The following VAV1 variants were observed in gnomAD, a reference collection of about 807,000 sequenced individuals.
The protein encoded by VAV1 is proto-oncogene vav.
VAV1 carries 33 observed loss-of-function variants against 128.1 expected under a neutral mutation model. The ratio of observed to expected loss-of-function variants is 0.26; its 90% CI spans 0.20 to 0.34. VAV1 has a LOEUF of 0.34. Ranked by LOEUF, VAV1 falls within the 10% of genes least tolerant of loss-of-function variation. The probability of loss-of-function intolerance (pLI) is 1.00; values close to 1 mark genes in which losing one functional copy is unlikely to be tolerated. For missense variants in VAV1, 715 were observed against 1,093.7 expected, an observed-to-expected ratio of 0.65 and a Z score of 4.88; for synonymous variants, 394 against 409.8, an observed-to-expected ratio of 0.96 and a Z score of 0.47.
intron 1 of VAV1, among the ~76,000 whole-genome samples, chr19:6,780,917 T>C (rs1488572369): frequency 2.7e-5 from 4 of 150,062 alleles, no homozygotes; most frequent in African/African-American, 9.7e-5. Context: ...AGATTTCTTA[T>C]CTTTCTTTTG....
At chr19:6,852,497 G>A (rs532542080) in intron 24 of VAV1, among the ~76,000 whole-genome samples, 68 of 151,528 alleles carry the variant, frequency 4.5e-4, no homozygotes, top group African/African-American at 1.5e-3. Flanking sequence ...CGAGGCAGGC[G>A]GATCACGAGG....
At chr19:6,808,268 C>T (rs1971439985) in intron 1 of VAV1, among the ~76,000 whole-genome samples, 2 of 151,710 alleles carry the variant, frequency 1.3e-5, no homozygotes, top group Admixed American at 6.6e-5. Flanking sequence ...GCCAAGATCA[C>T]ACCATTGCAC....
In VAV1 at chr19:6,773,273, C is replaced by T. The variant is rs1345031948; in HGVS notation, c.204+262C>T. The stretch of plus-strand genomic sequence containing the variant: ...TGAGAACTGGCAAACTAGGGGTTAA[C>T]TCTCTCAAGCCCCAGGCGCCTCTAC... On this transcript the variant is annotated intron_variant, in intron 1 of 26. Coordinates refer to ENST00000602142, the MANE Select transcript of VAV1 (RefSeq NM_005428.4). Among the ~76,000 whole-genome samples the T allele has an allele frequency of 2.0e-5, 3 of 152,094 alleles. No homozygotes were observed. In the East Asian group the frequency reaches 5.8e-4, roughly 29 times the overall value.
intron 14 of VAV1, among the ~76,000 whole-genome samples, chr19:6,831,343 C>A (rs566111019): frequency 1.2e-4 from 18 of 152,176 alleles, no homozygotes; most frequent in Admixed American, 9.8e-4. Context: ...GACGGAGCCT[C>A]GCTCTGTCAC....
chr19:6,818,114 C>A (rs1054138380), intron 1 of VAV1, among the ~76,000 whole-genome samples: 3 of 151,872 alleles, frequency 2.0e-5, no homozygotes, highest in Admixed American at 6.6e-5. Flanking sequence ...ACCACCACAC[C>A]CAGCTGACTT....
chr19:6,775,114 G>A (rs1970595795), intron 1 of VAV1, among the ~76,000 whole-genome samples: 1 of 152,040 alleles, frequency 6.6e-6, no homozygotes, highest in Non-Finnish European at 1.5e-5. Context: ...AGCTGGGACA[G>A]GGCTTCCTGA....
chr19:6,816,186 A>G (rs1971643882), intron 1 of VAV1, among the ~76,000 whole-genome samples: 1 of 151,792 alleles, frequency 6.6e-6, no homozygotes, highest in Non-Finnish European at 1.5e-5. Context: ...CGCCCAGCTA[A>G]TTTTTTTGTG....
Position 6,854,086 on chromosome 19 carries a change from G to A in VAV1, c.2472G>A (p.Glu824=), listed in dbSNP as rs1266409750. 4 of 1,613,258 alleles carry A rather than the reference G, an allele frequency of 2.5e-6. No individual in the cohort carries two copies. Among genetic ancestry groups the A allele is most frequent in the Non-Finnish European group, 3.4e-6 (4 of 1,179,974 alleles). Residue 824 remains glutamate (E), a synonymous_variant, in exon 26 of 27, where the codon GAG becomes GAA. Coordinates refer to ENST00000602142, the MANE Select transcript of VAV1 (RefSeq NM_005428.4). ...KKGQQGWWRG[E]IYGRVGWFPA... ...GACAGCAAGGCTGGTGGCGAGGGGA[G>A]ATCTATGGCCGGGTGAGGCAGGCAG...
In VAV1 at chr19:6,821,615, G is replaced by T; in HGVS notation, c.322-7G>T. The T allele has an allele frequency of 6.2e-7, 1 of 1,614,060 alleles. No individual in the cohort carries two copies. Among genetic ancestry groups the T allele is most frequent in the Non-Finnish European group, 8.5e-7 (1 of 1,179,976 alleles). On this transcript the variant is annotated splice_region_variant and splice_polypyrimidine_tract_variant and intron_variant, in intron 2 of 26. Transcript: ENST00000602142. ...GGGCTCACTGAGTGGCCACTGCCCC[G>T]TCACAGGTCATCTACACCCTGTCTG...
chr19:6,796,862 C>A (rs55796511), intron 1 of VAV1, among the ~76,000 whole-genome samples: 2 of 152,104 alleles, frequency 1.3e-5, no homozygotes, highest in Non-Finnish European at 2.9e-5. Context: ...CCCTTGAGGG[C>A]AGAGATGCTT....
intron 17 of VAV1, 36 bp downstream of exon 17, chr19:6,833,661 T>C: frequency 5.6e-6 from 9 of 1,614,098 alleles, no homozygotes; most frequent in Non-Finnish European, 6.8e-6. Flanking sequence ...GTGAGCTTGG[T>C]TCTCTTTGGA....
intron 22 of VAV1, 103 bp downstream of exon 22, chr19:6,843,269 G>T: frequency 7.5e-7 from 1 of 1,339,212 alleles, no homozygotes; most frequent in Non-Finnish European, 1.1e-6. Context: ...TGCATTCTGT[G>T]ATCCCTGAGC....
intron 21 of VAV1, among the ~76,000 whole-genome samples, chr19:6,840,338 C>T (rs1265576799): frequency 1.4e-5 from 2 of 146,162 alleles, no homozygotes; most frequent in East Asian, 4.0e-4. Context: ...TGGAGTCTCG[C>T]TCTGTCACCC....
chr19:6,832,301 C>G, intron 15 of VAV1, 101 bp downstream of exon 15: 1 of 1,015,220 alleles, frequency 9.9e-7, no homozygotes, highest in Non-Finnish European at 1.5e-6. Context: ...TGCCATGGGA[C>G]CACTCTGAAC....
chr19:6,799,275 C>T (rs1357386050), intron 1 of VAV1, among the ~76,000 whole-genome samples: 1 of 152,126 alleles, frequency 6.6e-6, no homozygotes, highest in Non-Finnish European at 1.5e-5. Flanking sequence ...TCAAGCGATT[C>T]TTCTGCCTCA....
intron 19 of VAV1, 98 bp downstream of exon 19, chr19:6,834,051 A>G: frequency 2.6e-6 from 4 of 1,560,110 alleles, no homozygotes; most frequent in South Asian, 1.1e-5. Context: ...TAACAGCCAC[A>G]TTGGGCCGGG....
In VAV1 at chr19:6,828,055, C is replaced by T. The variant is rs766949121; in HGVS notation, c.928-21C>T. 3.3e-5 allele frequency: 54 copies of T among 1,612,026 alleles called. No homozygotes were observed. The highest frequency in any genetic ancestry group is 5.1e-6 in the Non-Finnish European group (6 of 1,178,280). ...TTTCTGGGACCTGCCTCAGTTTCCC[C>T]ATTGTTCTCTGATTCCCCAGGAATG... On this transcript the variant is annotated intron_variant, in intron 9 of 26. Coordinates refer to ENST00000602142, the MANE Select transcript of VAV1 (RefSeq NM_005428.4). This position sits in a 1 kb window ranked among gnomAD's most constrained non-coding sequence, Gnocchi z 4.5.
chr19:6,822,133 G>T lies in VAV1; in HGVS notation c.450-88G>T. 3 of 1,342,372 alleles carry T rather than the reference G, an allele frequency of 2.2e-6. No homozygotes were observed. Among genetic ancestry groups the T allele is most frequent in the Non-Finnish European group, 3.1e-6 (3 of 964,900 alleles). The allele number at this position is 1,342,372 out of a possible 1,614,324, so 83.2% of individuals were successfully genotyped here. ...TCTGAGGTCCCACCCTTGGAGTCTT[G>T]GGGGGACAAAGCCCTGCGCTGGGGT... On this transcript the variant is annotated intron_variant, in intron 4 of 26. Coordinates refer to ENST00000602142, the MANE Select transcript of VAV1 (RefSeq NM_005428.4). This position sits in a 1 kb window ranked among gnomAD's most constrained non-coding sequence, Gnocchi z 5.9.
intron 15 of VAV1, 43 bp downstream of exon 15, chr19:6,832,243 A>G (rs1568309336): frequency 6.3e-7 from 1 of 1,592,740 alleles, no homozygotes; most frequent in Admixed American, 1.7e-5. Flanking sequence ...ACAGAGGGGC[A>G]GGGGCTGGGA....
Sources: gnomAD v4.1 joint callset for allele counts (sites outside exome capture counted in the v4.1 genomes callset) on GRCh38, gnomAD v4.1.1 for gene constraint, Gnocchi (gnomAD v3.1) non-coding constraint, MANE v1.5 for transcripts, NCBI Gene and HGNC (gene_info 2026-07-23, HGNC 2026-07-21) for gene names.